KATNIP: variants seen among roughly 807,000 people sequenced by gnomAD.
KATNIP encodes the protein katanin interacting protein.
In KATNIP, 126 loss-of-function variants were observed where a neutral mutation model predicts 174.0. That is an observed-to-expected ratio of 0.72 (90% CI 0.63 to 0.84). The LOEUF (loss-of-function observed/expected upper bound fraction) is 0.84, where lower values mean the gene tolerates loss of function less well. Ranked by LOEUF, KATNIP falls within the 40% of genes least tolerant of loss-of-function variation. The pLI is 0.00. For synonymous variants in KATNIP, 810 were observed against 835.7 expected (o/e 0.97, Z 0.53); for missense variants, 1,958 against 2,109.7 (o/e 0.93, Z 1.41).
chr16:27,745,664 A>G (rs915649908), intron 15 of KATNIP, among the ~76,000 whole-genome samples: 7 of 152,194 alleles, frequency 4.6e-5, no homozygotes, highest in African/African-American at 7.2e-5. Flanking sequence ...GTTGATTTTG[A>G]CAAACTTCAG....
intron 14 of KATNIP, among the ~76,000 whole-genome samples, chr16:27,730,545 C>T (rs1047105523): frequency 3.3e-5 from 5 of 152,198 alleles, no homozygotes; most frequent in Non-Finnish European, 7.3e-5. Flanking sequence ...CTCCCACTGG[C>T]CCCCATAAAA....
At chr16:27,573,617 C>T (rs896368322) in intron 1 of KATNIP, among the ~76,000 whole-genome samples, 1 of 152,224 alleles carries the variant, frequency 6.6e-6, no homozygotes, top group Admixed American at 6.5e-5. Context: ...GGGAAAACTA[C>T]AGTCCCTCAG....
chr16:27,600,579 C>T (rs2075485805), intron 2 of KATNIP, among the ~76,000 whole-genome samples: 1 of 152,114 alleles, frequency 6.6e-6, no homozygotes, highest in African/African-American at 2.4e-5. Context: ...ACACTCTTCC[C>T]TTCTGGCCCC....
chr16:27,776,182 G>T lies in KATNIP; in HGVS notation c.4450-746G>T, dbSNP rs942727077. 1.3e-5 allele frequency among the ~76,000 whole-genome samples: 2 copies of T among 152,114 alleles called. No homozygotes were observed. Among genetic ancestry groups the T allele is most frequent in the African/African-American group, 4.8e-5 (2 of 41,412 alleles). On this transcript the variant is annotated intron_variant, in intron 24 of 27. Transcript: ENST00000261588. The surrounding 1 kb of genome is among the most constrained non-coding windows in gnomAD (Gnocchi z 4.7). ...TCCAGCCAGGAGGCTGGCCCTACCC[G>T]AGCAGCCGCACTCCCTCTTGGCATA... is the stretch of plus-strand genomic sequence containing the variant.
intron 7 of KATNIP, among the ~76,000 whole-genome samples, chr16:27,680,119 C>T (rs1302720651): frequency 6.6e-6 from 1 of 152,152 alleles, no homozygotes; most frequent in Admixed American, 6.5e-5. Context: ...CCACCCACCA[C>T]ACCTCCCCAC....
chr16:27,748,965 C>T (rs1425751086), intron 15 of KATNIP, among the ~76,000 whole-genome samples: 2 of 152,140 alleles, frequency 1.3e-5, no homozygotes, highest in African/African-American at 4.8e-5. Context: ...GCGTATCTGG[C>T]TTTTTCCTTT....
intron 1 of KATNIP, among the ~76,000 whole-genome samples, chr16:27,570,128 T>C (rs2090233432): frequency 6.6e-6 from 1 of 152,184 alleles, no homozygotes; most frequent in Non-Finnish European, 1.5e-5. Context: ...TCATGCTTGC[T>C]GCTTGCAGAG....
chr16:27,730,281 A>G (rs1209841554), intron 14 of KATNIP, among the ~76,000 whole-genome samples: 1 of 152,148 alleles, frequency 6.6e-6, no homozygotes. Flanking sequence ...AATAGCCAAC[A>G]TTTTAAAATT....
chr16:27,605,204 A>G (rs1422766851), intron 2 of KATNIP, among the ~76,000 whole-genome samples: 1 of 152,216 alleles, frequency 6.6e-6, no homozygotes. Flanking sequence ...AAGTGCTGGG[A>G]TTACAGGCGT....
chr16:27,637,672 G>A lies in KATNIP; in HGVS notation c.408+6510G>A, dbSNP rs1389726440. Among the ~76,000 whole-genome samples the A allele has an allele frequency of 6.6e-6, 1 of 152,168 alleles. No individual in the cohort carries two copies. The highest frequency in any genetic ancestry group is 1.5e-5 in the Non-Finnish European group (1 of 68,022). On this transcript the variant is annotated intron_variant, in intron 5 of 27. Transcript: ENST00000261588. The surrounding 1 kb of genome is among the most constrained non-coding windows in gnomAD (Gnocchi z 4.7). ...TGGGCACAGGCTGAGAGGAGGCAGG[G>A]CGATCAGGACAGGGTGGCAGAAAGG...
At chr16:27,610,885 A>G (rs1000687967) in intron 2 of KATNIP, among the ~76,000 whole-genome samples, 4 of 152,150 alleles carry the variant, frequency 2.6e-5, no homozygotes, top group African/African-American at 9.7e-5. Context: ...ACTCAAAAGA[A>G]TGCAACCATT....
chr16:27,692,306 A>G (rs1259929307), intron 8 of KATNIP, among the ~76,000 whole-genome samples: 1 of 152,236 alleles, frequency 6.6e-6, no homozygotes, highest in Non-Finnish European at 1.5e-5. Flanking sequence ...GTGCTTTACT[A>G]CAGATGATGG....
At chr16:27,698,010 AG>A (rs1471461082) in intron 8 of KATNIP, among the ~76,000 whole-genome samples, 1 of 152,208 alleles carries the variant, frequency 6.6e-6, no homozygotes, top group East Asian at 1.9e-4. Flanking sequence ...AACAAAATTC[AG>A]GATATTTAGC....
chr16:27,761,644 G>A (rs1241464273), intron 19 of KATNIP, 54 bp downstream of exon 19: 1 of 1,472,282 alleles, frequency 6.8e-7, no homozygotes, highest in African/African-American at 1.4e-5. Flanking sequence ...TGGGGACATT[G>A]TTCTGCCTCT....
chr16:27,645,185 G>A (rs576551251), intron 5 of KATNIP, among the ~76,000 whole-genome samples: 37 of 152,340 alleles, frequency 2.4e-4, no homozygotes, highest in African/African-American at 8.2e-4. Context: ...GAGGCAGTCT[G>A]GTGACCTGTG....
At chr16:27,737,562 G>A (rs1038698376) in intron 14 of KATNIP, among the ~76,000 whole-genome samples, 4 of 152,056 alleles carry the variant, frequency 2.6e-5, no homozygotes, top group Non-Finnish European at 2.9e-5. Context: ...AAGAGCACTC[G>A]GGAGGCCTAG....
chr16:27,648,727 C>T lies in KATNIP; in HGVS notation c.532C>T (p.Arg178Cys), dbSNP rs141813978. 44 of 1,613,366 alleles carry T rather than the reference C, an allele frequency of 2.7e-5. No homozygotes were observed. Among genetic ancestry groups the T allele is most frequent in the Non-Finnish European group, 3.5e-5 (41 of 1,179,746 alleles). The stretch of plus-strand genomic sequence containing the variant: ...CCAGGCAAACAACACTTCTGAGGAT[C>T]GTCCGCAGGTAGGGATGGCCTTGGC... ...TLQANNTSED[R>C]PQELRRSLEL... Residue 178 changes from arginine (R) to cysteine (C), a missense_variant, in exon 6 of 28, where the codon CGT (arginine) becomes TGT (cysteine). Coordinates refer to ENST00000261588, the MANE Select transcript of KATNIP (RefSeq NM_015202.5).
chr16:27,579,752 C>T (rs2090625981), intron 2 of KATNIP, among the ~76,000 whole-genome samples: 1 of 152,100 alleles, frequency 6.6e-6, no homozygotes, highest in African/African-American at 2.4e-5. Flanking sequence ...AAAAAATGCT[C>T]TTGACAGCAC....
At chr16:27,646,370 T>C (rs920401644) in intron 5 of KATNIP, among the ~76,000 whole-genome samples, 1 of 152,172 alleles carries the variant, frequency 6.6e-6, no homozygotes, top group African/African-American at 2.4e-5. Context: ...AATCCAGGGC[T>C]GTTCTCATTG....
Sources: allele counts gnomAD v4.1 joint callset (sites outside exome capture counted in the v4.1 genomes callset), GRCh38; gene constraint gnomAD v4.1.1; non-coding constraint Gnocchi (gnomAD v3.1); transcripts MANE v1.5; gene names NCBI Gene and HGNC (gene_info 2026-07-23, HGNC 2026-07-21).